Variants in RFPL4AL1 observed in about 807,000 individuals in gnomAD.
RFPL4AL1 encodes the protein ret finger protein-like 4A-like protein 1.
Under a neutral mutation model 8.2 loss-of-function variants are expected in RFPL4AL1, and 2 were observed. That is an observed-to-expected ratio of 0.24 (90% CI 0.10 to 0.77). RFPL4AL1 has a LOEUF of 0.77. Among genes scored for constraint, RFPL4AL1 ranks in the 30% least tolerant of loss-of-function variants. RFPL4AL1 has a pLI of 0.72. For synonymous variants in RFPL4AL1, 25 were observed against 131.8 expected, an observed-to-expected ratio of 0.19 and a Z score of 5.55; for missense variants, 57 against 350.3, an observed-to-expected ratio of 0.16 and a Z score of 6.68.
intron 1 of RFPL4AL1, among the ~76,000 whole-genome samples, chr19:55,771,407 C>T (rs1256015384): frequency 6.6e-6 from 1 of 152,184 alleles, no homozygotes; most frequent in Non-Finnish European, 1.5e-5. Flanking sequence ...AGTTTACATT[C>T]TCTTTTCCCC....
intron 1 of RFPL4AL1, among the ~76,000 whole-genome samples, chr19:55,770,064 G>A (rs1989461833): frequency 6.6e-6 from 1 of 151,934 alleles, no homozygotes; most frequent in Non-Finnish European, 1.5e-5. Flanking sequence ...AAACACAGAA[G>A]TAGGGTTGCT....
intron 1 of RFPL4AL1, among the ~76,000 whole-genome samples, 153 bp downstream of exon 1, chr19:55,769,328 A>G (rs1277392089): frequency 6.6e-6 from 1 of 151,958 alleles, no homozygotes; most frequent in East Asian, 1.9e-4. Flanking sequence ...TGCCCTGGTA[A>G]CGGTTAGGCA....
intron 1 of RFPL4AL1, among the ~76,000 whole-genome samples, chr19:55,770,394 G>A (rs1255160557): frequency 2.0e-5 from 3 of 151,936 alleles, no homozygotes; most frequent in Admixed American, 6.6e-5. Context: ...AAGGCAAGAA[G>A]TTTCTATTCC....
intron 1 of RFPL4AL1, among the ~76,000 whole-genome samples, chr19:55,771,134 G>C (rs1471469788): frequency 3.3e-5 from 4 of 120,370 alleles, no homozygotes; most frequent in African/African-American, 1.2e-4. Flanking sequence ...AGTTTTACCT[G>C]GTACGACTTA....
intron 1 of RFPL4AL1, among the ~76,000 whole-genome samples, chr19:55,770,325 T>G (rs1239964983): frequency 6.6e-6 from 1 of 151,968 alleles, no homozygotes; most frequent in Non-Finnish European, 1.5e-5. Flanking sequence ...TCCCAGCCAG[T>G]TTCCAGGTTC....
At position 55,769,884 on chromosome 19, in the gene RFPL4AL1, A is replaced by G. The variant is rs1989457342; in HGVS notation, c.-10+709A>G. ...TTCATCCACATTGGTGCAATGCCAG[A>G]ATTGCCTTCTTTTTTATGGTAGAAT... On this transcript the variant is annotated intron_variant, in intron 1 of 2. Transcript: ENST00000341750. Among the ~76,000 whole-genome samples, 2 of 151,672 alleles carry G rather than the reference A, an allele frequency of 1.3e-5. 1 individual carries two copies. The highest frequency in any genetic ancestry group is 2.9e-5 in the Non-Finnish European group (2 of 67,908).
At position 55,770,537 on chromosome 19, in the gene RFPL4AL1, GA is replaced by G. The variant is rs1374996205; in HGVS notation, c.-9-1253del. Among the ~76,000 whole-genome samples, 139 of 151,820 alleles carry G rather than the reference GA, an allele frequency of 9.2e-4. 2 individuals are homozygous for G. The highest frequency in any genetic ancestry group is 1.6e-3 in the Non-Finnish European group (108 of 67,814). On this transcript the variant is annotated intron_variant, in intron 1 of 2. Transcript: ENST00000341750. The stretch of plus-strand genomic sequence containing the variant: ...GTGAACTAATCATTAGGTTTTGTAG[GA>G]AAAAAGCAGAGATTTTTTAGAATTG...
chr19:55,769,893 CTTTTTTAT>C (rs1989457817), intron 1 of RFPL4AL1, among the ~76,000 whole-genome samples: 1 of 151,554 alleles, frequency 6.6e-6, no homozygotes. Context: ...GAATTGCCTT[CTTTTTTAT>C]GGTAGAATAA....
intron 1 of RFPL4AL1, among the ~76,000 whole-genome samples, chr19:55,770,259 C>A (rs1021718888): frequency 6.6e-6 from 1 of 151,918 alleles, no homozygotes; most frequent in Non-Finnish European, 1.5e-5. Flanking sequence ...AATATCTCAT[C>A]GCGGTTTTAT....
chr19:55,771,727 C>T (rs2122666017), intron 1 of RFPL4AL1, 69 bp from the exon 2 acceptor site: 1 of 1,540,894 alleles, frequency 6.5e-7, no homozygotes, highest in South Asian at 1.2e-5. Flanking sequence ...AGATAAAAGC[C>T]CCAAACACTA....
At chr19:55,770,454 C>A (rs1448320263) in intron 1 of RFPL4AL1, among the ~76,000 whole-genome samples, 1 of 151,896 alleles carries the variant, frequency 6.6e-6, no homozygotes, top group African/African-American at 2.4e-5. Flanking sequence ...ATTCTGAAAG[C>A]TGGTGGCGTT....
At chr19:55,770,439 G>T (rs2122663743) in intron 1 of RFPL4AL1, among the ~76,000 whole-genome samples, 1 of 152,024 alleles carries the variant, frequency 6.6e-6, no homozygotes, top group East Asian at 1.9e-4. Context: ...AGAAGTGTGG[G>T]CGTGATTCTG....
Position 55,772,812 on chromosome 19 carries a change from G to A in RFPL4AL1, c.497G>A (p.Gly166Asp), listed in dbSNP as rs1161306490. The A allele has an allele frequency of 1.9e-6, 3 of 1,548,816 alleles. No homozygotes were observed. In the Admixed American group the frequency reaches 5.9e-5, roughly 31 times the overall value. ...GGCACCAGCCAAGTGTGGGATGTGG[G>A]CGTGTGCAAGGAATCTGTCAACCGA... is the stretch of plus-strand genomic sequence containing the variant. ...DVGTSQVWDV[G>D]VCKESVNRQG... The change falls in exon 3 of 3, where the codon GGC (glycine) becomes GAC (aspartate). Residue 166 changes from glycine to aspartate, a missense_variant. Coordinates refer to ENST00000341750, the MANE Select transcript of RFPL4AL1 (RefSeq NM_001277397.2).
chr19:55,771,693 G>T lies in RFPL4AL1; in HGVS notation c.-9-103G>T, dbSNP rs185606677. Reference sequence around the variant, plus strand: ...TAGCAGTAGTGATTTAAAGTATGGTGCCATGATAGCTCCATGCATGTAAAG... The same window carrying T: ...TAGCAGTAGTGATTTAAAGTATGGTTCCATGATAGCTCCATGCATGTAAAG... On this transcript the variant is annotated intron_variant, in intron 1 of 2. Transcript: ENST00000341750. 8.7e-5 allele frequency: 107 copies of T among 1,233,996 alleles called. 1 individual carries two copies. In the African/African-American group the frequency reaches 1.1e-3, roughly 12 times the overall value. The allele number at this position is 1,233,996 out of a possible 1,614,324, so 76.4% of individuals were successfully genotyped here. A position where few individuals can be genotyped will look rare whatever the true frequency, so the allele number is the denominator to read the frequency against.
chr19:55,772,864 A>T lies in RFPL4AL1; in HGVS notation c.549A>T (p.Glu183Asp). Reference sequence around the variant, plus strand: ...AGGGGAAGATTGAGCTTTCTTCAGAACACGGCTTCTTGACTGTGGGTTGCA... The same window carrying T: ...AGGGGAAGATTGAGCTTTCTTCAGATCACGGCTTCTTGACTGTGGGTTGCA... ...NRQGKIELSS[E>D]HGFLTVGCRE... is the part of the protein sequence containing the mutation. Residue 183 changes from glutamate to aspartate, a missense_variant, in exon 3 of 3, where the codon GAA becomes GAT. Coordinates refer to ENST00000341750, the MANE Select transcript of RFPL4AL1 (RefSeq NM_001277397.2). The T allele has an allele frequency of 1.3e-6, 2 of 1,550,732 alleles. No individual in the cohort carries two copies. Among genetic ancestry groups the T allele is most frequent in the Non-Finnish European group, 1.7e-6 (2 of 1,146,656 alleles).
chr19:55,770,014 AGATATCTCTTT>A (rs1419308182), intron 1 of RFPL4AL1, among the ~76,000 whole-genome samples: 2 of 151,982 alleles, frequency 1.3e-5, no homozygotes, highest in Admixed American at 1.3e-4. Flanking sequence ...CTAAGAGTGC[AGATATCTCTTT>A]GATATGCTGA....
intron 1 of RFPL4AL1, among the ~76,000 whole-genome samples, chr19:55,769,560 C>T (rs1424980100): frequency 1.3e-5 from 2 of 151,098 alleles, no homozygotes; most frequent in Non-Finnish European, 3.0e-5. Context: ...TTTTTTTGTT[C>T]AGTTTTTTGT....
Position 55,771,960 on chromosome 19 carries a change from C to T in RFPL4AL1, c.156C>T (p.Cys52=), listed in dbSNP as rs916309161. The part of the protein sequence containing the change: ...PDGEGLLCRF[C]SVVSQKDDIK... ...GGGAAGGTTTACTGTGCCGTTTCTG[C>T]TCTGTGGTCTCTCAGAAGGATGACA... The change falls in exon 2 of 3, where the codon TGC becomes TGT. Residue 52 remains cysteine, a synonymous_variant. Coordinates refer to ENST00000341750, the MANE Select transcript of RFPL4AL1 (RefSeq NM_001277397.2). The T allele has an allele frequency of 2.0e-6, 3 of 1,531,498 alleles. No individual in the cohort carries two copies. The highest frequency in any genetic ancestry group is 2.6e-6 in the Non-Finnish European group (3 of 1,135,398). The allele number at this position is 1,531,498 out of a possible 1,614,324, so 94.9% of individuals were successfully genotyped here. A position where few individuals can be genotyped will look rare whatever the true frequency, so the allele number is the denominator to read the frequency against.
chr19:55,771,838 C>G lies in RFPL4AL1; in HGVS notation c.34C>G (p.Pro12Ala). Reference protein sequence around the residue: ...AEHFKQIIRCPVCLKDLEEAV... With the variant: ...AEHFKQIIRCAVCLKDLEEAV... The stretch of plus-strand genomic sequence containing the variant: ...GCACTTCAAACAGATCATTAGATGT[C>G]CTGTCTGTCTAAAAGATCTTGAAGA... The change falls in exon 2 of 3, where the codon CCT becomes GCT. Residue 12 changes from proline (P) to alanine (A), a missense_variant. Physicochemically the swap from Pro to Ala is conservative, Grantham distance 27 (BLOSUM62 -1). Coordinates refer to ENST00000341750, the MANE Select transcript of RFPL4AL1 (RefSeq NM_001277397.2). 1 of 1,550,554 alleles carries G rather than the reference C, an allele frequency of 6.4e-7. No homozygotes were observed. The highest frequency in any genetic ancestry group is 8.7e-7 in the Non-Finnish European group (1 of 1,146,612).
Sources: gnomAD v4.1 joint callset for allele counts (sites outside exome capture counted in the v4.1 genomes callset) on GRCh38, gnomAD v4.1.1 for gene constraint, MANE v1.5 for transcripts, NCBI Gene and HGNC (gene_info 2026-07-23, HGNC 2026-07-21) for gene names.